The following GLIS1 variants were observed in gnomAD, a reference collection of about 807,000 sequenced individuals.
GLIS1 encodes the protein GLIS family zinc finger 1.
A neutral mutation model predicts 63.8 loss-of-function variants in GLIS1; 24 were observed. The observed-to-expected ratio is 0.38, with a 90% CI of 0.27 to 0.53. The LOEUF is 0.53. Ranked by LOEUF, GLIS1 falls within the 20% of genes least tolerant of loss-of-function variation. The pLI is 0.85. For synonymous variants in GLIS1, 450 were observed against 482.5 expected, an observed-to-expected ratio of 0.93 and a Z score of 0.88; for missense variants, 1,036 against 1,074.1, an observed-to-expected ratio of 0.96 and a Z score of 0.50.
chr1:53,699,024 A>ATTGTTTTTTGTT (rs1646496082), intron 2 of GLIS1, among the ~76,000 whole-genome samples: 1 of 151,334 alleles, frequency 6.6e-6, no homozygotes, highest in Admixed American at 6.6e-5. Context: ...TACAGCCATG[A>ATTGTTTTTTGTT]TTGTTTTTTG....
intron 2 of GLIS1, among the ~76,000 whole-genome samples, chr1:53,733,497 G>A (rs150418375): frequency 7.2e-5 from 11 of 152,118 alleles, no homozygotes; most frequent in African/African-American, 4.8e-5. Flanking sequence ...ACGATCTCAC[G>A]TGATGGTCCC....
intron 2 of GLIS1, among the ~76,000 whole-genome samples, chr1:53,709,173 G>T (rs2694594): frequency 6.6e-6 from 1 of 151,786 alleles, no homozygotes; most frequent in Non-Finnish European, 1.5e-5. Context: ...GTTTACAGAA[G>T]TCAGAGACGG....
chr1:53,609,255 TG>T (rs1379929047), intron 2 of GLIS1, among the ~76,000 whole-genome samples: 1 of 150,326 alleles, frequency 6.7e-6, no homozygotes, highest in Non-Finnish European at 1.5e-5. Context: ...TTTGGGTATT[TG>T]GGTTTAAATC....
intron 2 of GLIS1, among the ~76,000 whole-genome samples, chr1:53,662,083 C>G (rs1231830590): frequency 6.6e-6 from 1 of 152,090 alleles, no homozygotes; most frequent in Non-Finnish European, 1.5e-5. Context: ...GGGAGGCCTG[C>G]CCCCTGCGAA....
chr1:53,614,979 A>T (rs1328145572), intron 2 of GLIS1, among the ~76,000 whole-genome samples: 2 of 152,154 alleles, frequency 1.3e-5, no homozygotes, highest in East Asian at 1.9e-4. Context: ...AATAATTTTT[A>T]AAAATCTCTA....
At chr1:53,521,413 G>A (rs11587168) in intron 6 of GLIS1, among the ~76,000 whole-genome samples, 5 of 152,108 alleles carry the variant, frequency 3.3e-5, no homozygotes, top group Non-Finnish European at 7.4e-5. Flanking sequence ...GGCTAGGGAT[G>A]AAGAGCTGGG....
intron 4 of GLIS1, among the ~76,000 whole-genome samples, chr1:53,577,037 A>T (rs1160432935): frequency 2.7e-5 from 4 of 150,664 alleles, no homozygotes; most frequent in African/African-American, 9.8e-5. Context: ...TCTGTGCCTC[A>T]CTTTCCCTGT....
intron 2 of GLIS1, among the ~76,000 whole-genome samples, chr1:53,660,424 C>T (rs1465521417): frequency 6.6e-6 from 1 of 152,204 alleles, no homozygotes; most frequent in East Asian, 1.9e-4. Flanking sequence ...ACAGCGTGCC[C>T]CATTTGCACC....
At chr1:53,536,868 T>C (rs1275500603) in intron 4 of GLIS1, among the ~76,000 whole-genome samples, 1 of 151,014 alleles carries the variant, frequency 6.6e-6, no homozygotes, top group Non-Finnish European at 1.5e-5. Flanking sequence ...GGTGGCACAG[T>C]GGAGAAGAAA....
intron 2 of GLIS1, among the ~76,000 whole-genome samples, chr1:53,691,615 G>A (rs954302350): frequency 2.6e-5 from 4 of 151,890 alleles, no homozygotes; most frequent in African/African-American, 7.3e-5. Context: ...CAACCGCCTC[G>A]CCTGGAGCTT....
intron 2 of GLIS1, among the ~76,000 whole-genome samples, chr1:53,633,558 G>A (rs1645693143): frequency 6.6e-6 from 1 of 151,930 alleles, no homozygotes; most frequent in Non-Finnish European, 1.5e-5. Context: ...GACCACAGAG[G>A]GACTCGGTCC....
intron 2 of GLIS1, among the ~76,000 whole-genome samples, chr1:53,674,849 G>A (rs979217595): frequency 6.6e-6 from 1 of 152,206 alleles, no homozygotes; most frequent in African/African-American, 2.4e-5. Flanking sequence ...GGAAACTGAG[G>A]CTGAGAGAGG....
chr1:53,598,618 AG>A lies in GLIS1; in HGVS notation c.437+1482del, dbSNP rs1366338773. ...CGACAAGGCGGTCATCTGCGAGCTA[AG>A]GAGAGAGGCCTCAGAAGAAACCAAA... On this transcript the variant is annotated intron_variant, in intron 3 of 10. Transcript: ENST00000628545. The surrounding 1 kb of genome is among the most constrained non-coding windows in gnomAD (Gnocchi z 4.6). Among the ~76,000 whole-genome samples, 18 of 152,168 alleles carry A rather than the reference AG, an allele frequency of 1.2e-4. No homozygotes were observed. The highest frequency in any genetic ancestry group is 8.3e-4 in the South Asian group (4 of 4,832).
chr1:53,655,310 C>CT (rs1188721937), intron 2 of GLIS1, among the ~76,000 whole-genome samples: 1 of 152,220 alleles, frequency 6.6e-6, no homozygotes, highest in Non-Finnish European at 1.5e-5. Context: ...AATCACTGCT[C>CT]TAGACGAGTT....
At chr1:53,618,276 AT>A (rs1383831465) in intron 2 of GLIS1, among the ~76,000 whole-genome samples, 1 of 152,232 alleles carries the variant, frequency 6.6e-6, no homozygotes, top group African/African-American at 2.4e-5. Flanking sequence ...GCAGAAATGA[AT>A]ACACCAGGTG....
Position 53,605,644 on chromosome 1 carries a change from G to T in GLIS1, c.260-5366C>A, listed in dbSNP as rs1054064068. On this transcript the variant is annotated intron_variant, in intron 2 of 10. Coordinates refer to ENST00000628545, the MANE Select transcript of GLIS1 (RefSeq NM_001367484.1). ...CCCTACGAGCCTGAGAAATCCTTCA[G>T]GACAAGGATCTTGGAGCCCCAGAGC... Among the ~76,000 whole-genome samples the T allele has an allele frequency of 2.0e-5, 3 of 152,228 alleles. No individual in the cohort carries two copies. The South Asian group carries it at 6.2e-4, about 32-fold the overall frequency.
chr1:53,679,384 G>A (rs1646250993), intron 2 of GLIS1, among the ~76,000 whole-genome samples: 1 of 152,200 alleles, frequency 6.6e-6, no homozygotes, highest in Non-Finnish European at 1.5e-5. Flanking sequence ...ATCCGAGTTG[G>A]GTTTCAGATG....
In GLIS1 at chr1:53,508,849, C is replaced by A. The variant is rs372316321; in HGVS notation, c.2230+271G>T. Among the ~76,000 whole-genome samples, 77 of 152,354 alleles carry A rather than the reference C, an allele frequency of 5.1e-4. 1 individual carries two copies. Among genetic ancestry groups the A allele is most frequent in the African/African-American group, 1.7e-3 (69 of 41,590 alleles). ...TGAAGCAGTAATTAAACCATGAGCT[C>A]CCAGTCCGATTCTTCAGAAACCTGC... On this transcript the variant is annotated intron_variant, in intron 10 of 10. Transcript: ENST00000628545.
intron 2 of GLIS1, among the ~76,000 whole-genome samples, chr1:53,611,246 T>C (rs1428593343): frequency 2.0e-5 from 3 of 152,152 alleles, no homozygotes; most frequent in Non-Finnish European, 2.9e-5. Context: ...CGCACTATCA[T>C]GCTCAGCTAA....
Sources: allele counts gnomAD v4.1 joint callset (sites outside exome capture counted in the v4.1 genomes callset), GRCh38; gene constraint gnomAD v4.1.1; non-coding constraint Gnocchi (gnomAD v3.1); transcripts MANE v1.5; gene names NCBI Gene and HGNC (gene_info 2026-07-23, HGNC 2026-07-21).